STRN: variants seen among roughly 807,000 people sequenced by gnomAD.
The protein encoded by STRN is protein phosphatase 2 regulatory subunit B'''alpha.
Under a neutral mutation model 96.3 loss-of-function variants are expected in STRN, and 53 were observed. The ratio of observed to expected loss-of-function variants is 0.55; its 90% CI spans 0.44 to 0.69. The LOEUF (loss-of-function observed/expected upper bound fraction) is 0.69, where lower values mean the gene tolerates loss of function less well. Among genes scored for constraint, STRN ranks in the 30% least tolerant of loss-of-function variants. The pLI is 0.00. For missense variants in STRN, 987 were observed against 963.9 expected, an observed-to-expected ratio of 1.02 and a Z score of -0.32; for synonymous variants, 428 against 355.9, an observed-to-expected ratio of 1.20 and a Z score of -2.28.
chr2:36,956,643 A>T (rs769690254), intron 1 of STRN, among the ~76,000 whole-genome samples: 3 of 152,234 alleles, frequency 2.0e-5, no homozygotes, highest in Non-Finnish European at 2.9e-5. Flanking sequence ...CCTTTCATTG[A>T]CTGCATAGCA....
intron 7 of STRN, among the ~76,000 whole-genome samples, chr2:36,887,328 G>T (rs1669265808): frequency 6.7e-6 from 1 of 148,306 alleles, no homozygotes; most frequent in Admixed American, 6.7e-5. Flanking sequence ...AAATTAGCCG[G>T]GCATGGTACC....
At position 36,861,843 on chromosome 2, in the gene STRN, G is replaced by A. The variant is rs184432851; in HGVS notation, c.1548-590C>T. ...CTATAGATAAATTGCATGCCTTGGC[G>A]GTTTGCTGTACATATTATTCCCTCA... On this transcript the variant is annotated intron_variant, in intron 12 of 17. Transcript: ENST00000263918. Among the ~76,000 whole-genome samples, 388 of 152,116 alleles carry A rather than the reference G, an allele frequency of 2.6e-3. 5 individuals are homozygous for A. Among genetic ancestry groups the A allele is most frequent in the East Asian group, 0.014 (70 of 5,180 alleles).
intron 12 of STRN, among the ~76,000 whole-genome samples, chr2:36,866,835 A>C (rs575438405): frequency 4.6e-5 from 7 of 152,284 alleles, no homozygotes; most frequent in African/African-American, 1.7e-4. Context: ...GTCTGAAATT[A>C]GAGTAGCAAC....
Position 36,851,000 on chromosome 2 carries a change from C to T in STRN, c.2086G>A (p.Gly696Ser). 2 of 1,584,736 alleles carry T rather than the reference C, an allele frequency of 1.3e-6. No individual in the cohort carries two copies. Among genetic ancestry groups the T allele is most frequent in the Admixed American group, 1.8e-5 (1 of 56,596 alleles). Residue 696 changes from glycine (G) to serine (S), a missense_variant and splice_region_variant, in exon 16 of 18, where the codon GGC becomes AGC. By Grantham distance (56) the Gly-to-Ser change is moderately conservative (BLOSUM62 0). Transcript: ENST00000263918. ...AAATCAATTCTTAATAAATTCTTAC[C>T]TGTATTGTTATCATAGAATTTGATG... is the stretch of plus-strand genomic sequence containing the variant. ...RHIKFYDNNT[G>S]KLIHSMVAHL...
intron 1 of STRN, among the ~76,000 whole-genome samples, chr2:36,964,977 C>A (rs1165757764): frequency 1.3e-5 from 2 of 152,168 alleles, no homozygotes; most frequent in Non-Finnish European, 2.9e-5. Context: ...CTCAAGGTCA[C>A]AGAGCTAGCA....
intron 1 of STRN, among the ~76,000 whole-genome samples, chr2:36,951,433 T>C (rs563266012): frequency 2.0e-5 from 3 of 152,158 alleles, no homozygotes; most frequent in South Asian, 2.1e-4. Flanking sequence ...CCAGTGGAAG[T>C]TGTAAGGCAG....
chr2:36,869,464 G>A (rs1572634609), intron 11 of STRN, 90 bp downstream of exon 11: 1 of 1,173,810 alleles, frequency 8.5e-7, no homozygotes, highest in African/African-American at 1.6e-5. Flanking sequence ...GAAATGTTTG[G>A]GAAATTTAAC....
At chr2:36,919,681 C>A (rs10201963) in intron 2 of STRN, among the ~76,000 whole-genome samples, 1 of 151,886 alleles carries the variant, frequency 6.6e-6, no homozygotes, top group South Asian at 2.1e-4. Flanking sequence ...ATGAATTCTA[C>A]GGATATGGAA....
At position 36,848,757 on chromosome 2, in the gene STRN, T is replaced by A. The variant is rs1668144273; in HGVS notation, c.*699A>T. On this transcript the variant is annotated 3_prime_UTR_variant, in exon 18 of 18. Transcript: ENST00000263918. ...ATGGTGAGTGCTTGATAGCTAAACT[T>A]TAGAATGATACCAAATCTGTTTTCA... The A allele has an allele frequency of 6.6e-6, 1 of 152,440 alleles. No homozygotes were observed. Among genetic ancestry groups the A allele is most frequent in the Admixed American group, 6.5e-5 (1 of 15,276 alleles). 9.4% of individuals were successfully genotyped at this position (152,440 alleles called of 1,614,324 possible).
chr2:36,903,619 G>A (rs114109918), intron 4 of STRN, among the ~76,000 whole-genome samples: 1,827 of 152,284 alleles, frequency 0.012, 20 homozygotes, highest in Non-Finnish European at 0.019. Context: ...CTGGATGAAA[G>A]AAGAAAACAA....
At chr2:36,921,977 T>C (rs1258263363) in intron 2 of STRN, among the ~76,000 whole-genome samples, 1 of 152,172 alleles carries the variant, frequency 6.6e-6, no homozygotes, top group East Asian at 1.9e-4. Flanking sequence ...TATCAGATAA[T>C]AGAATATCAA....
At chr2:36,939,597 G>C (rs990339616) in intron 1 of STRN, among the ~76,000 whole-genome samples, 2 of 151,572 alleles carry the variant, frequency 1.3e-5, no homozygotes, top group Non-Finnish European at 2.9e-5. Context: ...TACCCAGACT[G>C]GTCCCAAACT....
At chr2:36,965,659 G>A (rs1424744549) in intron 1 of STRN, among the ~76,000 whole-genome samples, 1 of 152,152 alleles carries the variant, frequency 6.6e-6, no homozygotes, top group Non-Finnish European at 1.5e-5. Flanking sequence ...GGGGTCGGAA[G>A]AAAGTGGAGA....
chr2:36,891,959 G>C (rs1366827645), intron 7 of STRN, among the ~76,000 whole-genome samples: 2 of 151,968 alleles, frequency 1.3e-5, no homozygotes, highest in African/African-American at 2.4e-5. Context: ...CTTCAGAGAA[G>C]AAATATACCA....
At chr2:36,937,439 C>A (rs1235485875) in intron 1 of STRN, among the ~76,000 whole-genome samples, 5 of 151,464 alleles carry the variant, frequency 3.3e-5, no homozygotes, top group Non-Finnish European at 7.4e-5. Flanking sequence ...GAGGTCAAGG[C>A]AGGAAGATGG....
At chr2:36,959,759 T>A (rs1054208187) in intron 1 of STRN, among the ~76,000 whole-genome samples, 1 of 152,208 alleles carries the variant, frequency 6.6e-6, no homozygotes, top group Admixed American at 6.5e-5. Flanking sequence ...CAAACTTTTA[T>A]AGATAATGTA....
Position 36,875,813 on chromosome 2 carries a change from T to A in STRN, c.1323+2078A>T, listed in dbSNP as rs192804223. On this transcript the variant is annotated intron_variant, in intron 10 of 17. Transcript: ENST00000263918. ...CTGGGACTACAGGCACCCGCCACAA[T>A]GCCCAGCTAATTTTTTTGTATTTTT... Among the ~76,000 whole-genome samples the A allele has an allele frequency of 7.7e-3, 1,164 of 152,142 alleles. 21 individuals are homozygous for A. Among genetic ancestry groups the A allele is most frequent in the African/African-American group, 0.027 (1,108 of 41,536 alleles).
chr2:36,958,288 G>A (rs527956174), intron 1 of STRN, among the ~76,000 whole-genome samples: 17 of 152,140 alleles, frequency 1.1e-4, no homozygotes, highest in Non-Finnish European at 1.9e-4. Flanking sequence ...GGAACACGTC[G>A]TCATGAACAA....
intron 14 of STRN, 52 bp from the exon 15 acceptor site, chr2:36,855,404 A>G (rs1205234180): frequency 6.3e-7 from 1 of 1,596,894 alleles, no homozygotes; most frequent in Non-Finnish European, 8.5e-7. Context: ...CTACTTGACA[A>G]TCTGCTTAAA....
Sources: allele counts gnomAD v4.1 joint callset (sites outside exome capture counted in the v4.1 genomes callset), GRCh38; gene constraint gnomAD v4.1.1; transcripts MANE v1.5; gene names NCBI Gene and HGNC (gene_info 2026-07-23, HGNC 2026-07-21).